GNAS-AS1: variants seen among roughly 807,000 people sequenced by gnomAD.
GNAS-AS1 encodes GNAS antisense RNA 1.
intron 4 of GNAS-AS1, chr20:58,824,148 T>A (rs1442860889): frequency 2.5e-6 from 1 of 398,558 alleles, no homozygotes. Flanking sequence ...CCCAGTCTAC[T>A]GTCCAAAACT....
intron 4 of GNAS-AS1, chr20:58,839,353 G>A (rs1352376044): frequency 7.5e-6 from 3 of 398,710 alleles, no homozygotes; most frequent in Admixed American, 4.4e-5. Flanking sequence ...CTTAATACTC[G>A]TGTATAGACA....
intron 4 of GNAS-AS1, among the ~76,000 whole-genome samples, chr20:58,831,908 G>C (rs1049074269): frequency 1.3e-5 from 2 of 152,076 alleles, no homozygotes; most frequent in Non-Finnish European, 2.9e-5. Context: ...AATAAATTTG[G>C]CTTGATGAAA....
intron 4 of GNAS-AS1, among the ~76,000 whole-genome samples, chr20:58,830,531 CAT>C (rs1491118502): frequency 3.8e-4 from 2 of 5,234 alleles, no homozygotes; most frequent in Non-Finnish European, 9.6e-4. Context: ...ACACCACCAT[CAT>C]ACCATCAGCA....
At chr20:58,848,732 C>T (rs1307631024) in intron 2 of GNAS-AS1, 17 of 392,960 alleles carry the variant, frequency 4.3e-5, no homozygotes, top group African/African-American at 1.9e-4. Context: ...ACCCACTAGC[C>T]GATCACCCCC....
intron 4 of GNAS-AS1, among the ~76,000 whole-genome samples, chr20:58,830,339 TCAC>T (rs1313987176): frequency 9.9e-4 from 28 of 28,238 alleles, no homozygotes; most frequent in South Asian, 4.0e-3. Context: ...ACCACCACCA[TCAC>T]CACCACACCA....
intron 4 of GNAS-AS1, among the ~76,000 whole-genome samples, chr20:58,820,211 G>A (rs529698646): frequency 6.6e-6 from 1 of 152,344 alleles, no homozygotes; most frequent in African/African-American, 2.4e-5. Flanking sequence ...GCGGCCTTAG[G>A]TGCTGACCGC....
At chr20:58,832,488 C>G (rs1184455392) in intron 4 of GNAS-AS1, among the ~76,000 whole-genome samples, 2 of 152,124 alleles carry the variant, frequency 1.3e-5, no homozygotes, top group Admixed American at 6.5e-5. Flanking sequence ...AATAAATGGA[C>G]AAAACATCAG....
intron 4 of GNAS-AS1, among the ~76,000 whole-genome samples, chr20:58,837,122 A>G (rs1305871059): frequency 6.6e-6 from 1 of 152,212 alleles, no homozygotes; most frequent in Non-Finnish European, 1.5e-5. Flanking sequence ...GACAGCTGAC[A>G]TTAGTTTCCA....
At position 58,841,789 on chromosome 20, in the gene GNAS-AS1, G is replaced by T. The variant is rs966838576; in HGVS notation, n.819+148C>A. The stretch of plus-strand genomic sequence containing the variant: ...AGCTTTTGGCGCAGCTGGTCGGGTG[G>T]CCAGGCTGCATGCGGCTTAGCAGGA... On this transcript the variant is annotated intron_variant and non_coding_transcript_variant, in intron 4 of 4. Transcript: ENST00000424094. The surrounding 1 kb of genome is among the most constrained non-coding windows in gnomAD (Gnocchi z 5.0). The T allele has an allele frequency of 2.4e-6, 3 of 1,230,552 alleles. No individual in the cohort carries two copies. The African/African-American group carries it at 4.7e-5, about 19-fold the overall frequency. The allele number at this position is 1,230,552 out of a possible 1,614,324, so 76.2% of individuals were successfully genotyped here.
chr20:58,833,505 C>T (rs1049865525), intron 4 of GNAS-AS1, among the ~76,000 whole-genome samples: 2 of 152,166 alleles, frequency 1.3e-5, no homozygotes, highest in South Asian at 4.1e-4. Context: ...ATTAGGAATC[C>T]TATCATCCTA....
chr20:58,838,399 C>T (rs1422969175), intron 4 of GNAS-AS1, among the ~76,000 whole-genome samples: 2 of 152,182 alleles, frequency 1.3e-5, no homozygotes, highest in East Asian at 3.9e-4. Flanking sequence ...AGCCCTGATC[C>T]AATCATTTTC....
chr20:58,845,905 C>A (rs978876368), intron 2 of GNAS-AS1, among the ~76,000 whole-genome samples: 1 of 152,188 alleles, frequency 6.6e-6, no homozygotes, highest in African/African-American at 2.4e-5. Flanking sequence ...AATGGGGAGG[C>A]TGCCTTCCCA....
At chr20:58,821,125 C>T (rs895854716) in intron 4 of GNAS-AS1, among the ~76,000 whole-genome samples, 2 of 152,234 alleles carry the variant, frequency 1.3e-5, no homozygotes, top group African/African-American at 2.4e-5. Context: ...GTGCCATGGC[C>T]GTGGGCTGCC....
At chr20:58,827,988 G>GT (rs1451578449) in intron 4 of GNAS-AS1, among the ~76,000 whole-genome samples, 2 of 98,802 alleles carry the variant, frequency 2.0e-5, no homozygotes, top group Non-Finnish European at 4.8e-5. Flanking sequence ...CTGCTGATAT[G>GT]TTATCAGTCA....
Position 58,840,934 on chromosome 20 carries a change from C to G in GNAS-AS1, n.819+1003G>C, listed in dbSNP as rs1180166344. Reference sequence around the variant, plus strand: ...GGGGAGCCTGAGGGCGGTGTGGGAGCAGCGCAGGTGGAAAGGAGGTGAGAA... The same window carrying G: ...GGGGAGCCTGAGGGCGGTGTGGGAGGAGCGCAGGTGGAAAGGAGGTGAGAA... On this transcript the variant is annotated intron_variant and non_coding_transcript_variant, in intron 4 of 4. Transcript: ENST00000424094. The surrounding 1 kb of genome is among the most constrained non-coding windows in gnomAD (Gnocchi z 6.0). 2 of 1,598,166 alleles carry G rather than the reference C, an allele frequency of 1.3e-6. No individual in the cohort carries two copies. Among genetic ancestry groups the G allele is most frequent in the Non-Finnish European group, 1.7e-6 (2 of 1,170,206 alleles).
chr20:58,846,092 A>G (rs933618916), intron 2 of GNAS-AS1, among the ~76,000 whole-genome samples: 2 of 152,242 alleles, frequency 1.3e-5, no homozygotes, highest in Non-Finnish European at 2.9e-5. Context: ...AAAGGAAAAG[A>G]AGAATTTGAG....
chr20:58,850,389 G>A, intron 1 of GNAS-AS1: 1 of 397,168 alleles, frequency 2.5e-6, no homozygotes, highest in Non-Finnish European at 4.4e-6. Flanking sequence ...ACAGACCCAT[G>A]AGGGTGTCGA....
chr20:58,823,532 C>T (rs1424930213), intron 4 of GNAS-AS1, among the ~76,000 whole-genome samples: 8 of 152,344 alleles, frequency 5.3e-5, no homozygotes, highest in African/African-American at 1.9e-4. Flanking sequence ...CCTCCATCCC[C>T]CCCGTCTCCC....
intron 2 of GNAS-AS1, among the ~76,000 whole-genome samples, chr20:58,846,316 C>T (rs1198912332): frequency 6.6e-6 from 1 of 152,094 alleles, no homozygotes; most frequent in Non-Finnish European, 1.5e-5. Context: ...CCAGGTGCAT[C>T]AAGGGACAGA....
Sources: gnomAD v4.1 joint callset for allele counts (sites outside exome capture counted in the v4.1 genomes callset) on GRCh38, gnomAD v4.1.1 for gene constraint, Gnocchi (gnomAD v3.1) non-coding constraint, MANE v1.5 for transcripts, NCBI Gene and HGNC (gene_info 2026-07-23, HGNC 2026-07-21) for gene names.